The following ANO4 variants were observed in gnomAD, a reference collection of about 807,000 sequenced individuals.
ANO4 encodes anoctamin-4.
In ANO4, 69 loss-of-function variants were observed where a neutral mutation model predicts 141.9. The observed-to-expected ratio is 0.49, with a 90% CI of 0.40 to 0.59. The LOEUF (loss-of-function observed/expected upper bound fraction) is 0.59. ANO4 is among the 20% of genes least tolerant of loss of function. ANO4 has a pLI of 0.00. For missense variants in ANO4, 894 were observed against 1,162.2 expected (o/e 0.77, Z 3.36); for synonymous variants, 350 against 394.3 (o/e 0.89, Z 1.33).
rs183098405 is a variant in ANO4, at chr12:100,855,444, A to G, written c.-140-46202A>G. Among the ~76,000 whole-genome samples, 179 of 152,248 alleles carry G rather than the reference A, an allele frequency of 1.2e-3. 2 individuals carry two copies. Among genetic ancestry groups the G allele is most frequent in the African/African-American group, 4.3e-3 (177 of 41,554 alleles). On this transcript the variant is annotated intron_variant, in intron 1 of 27. Coordinates refer to ENST00000392977, the MANE Select transcript of ANO4 (RefSeq NM_001286615.2). ...TTATTCATAGGGTGCTGTTGTTACA[A>G]TCATGCCATATATTTAATTTTGTGT...
rs1383658204 is a variant in ANO4, at chr12:101,122,127, C to CTAAT, written c.2676+1504_2676+1507dup. Among the ~76,000 whole-genome samples the CTAAT allele has an allele frequency of 3.9e-5, 6 of 152,258 alleles. No homozygotes were observed. The East Asian group carries it at 7.7e-4, about 20-fold the overall frequency. On this transcript the variant is annotated intron_variant, in intron 26 of 27. Transcript: ENST00000392977. ...CATTGTGGTTTTGATTTGCATTTCT[C>CTAAT]TAATTTCCTTAGAGATTCTGAGCAT...
intron 1 of ANO4, among the ~76,000 whole-genome samples, chr12:100,822,193 A>G (rs2036091662): frequency 6.6e-6 from 1 of 152,026 alleles, no homozygotes; most frequent in East Asian, 1.9e-4. Flanking sequence ...AGGCAAATAA[A>G]GTGACCCTTT....
chr12:100,817,733 T>G lies in ANO4; in HGVS notation c.-141+22706T>G, dbSNP rs78412136. Among the ~76,000 whole-genome samples the G allele has an allele frequency of 2.2e-3, 340 of 152,050 alleles. 2 individuals carry two copies. The East Asian group carries it at 0.028, about 12-fold the overall frequency. ...CTTATCCTAAATGCTTAGGACTAAT[T>G]TCGTTGGTCAGTGGAAAAAGATGGT... On this transcript the variant is annotated intron_variant, in intron 1 of 27. Coordinates refer to ENST00000392977, the MANE Select transcript of ANO4 (RefSeq NM_001286615.2).
intron 8 of ANO4, among the ~76,000 whole-genome samples, chr12:100,999,071 T>C (rs763177317): frequency 6.6e-6 from 1 of 152,234 alleles, no homozygotes; most frequent in Non-Finnish European, 1.5e-5. Flanking sequence ...GCCCCAGTCT[T>C]ATCTTTTTAA....
At chr12:100,763,908 C>CT (rs201938425) in intron 3 of ANO4, among the ~76,000 whole-genome samples, 8,515 of 147,730 alleles carry the variant, frequency 0.058, 707 homozygotes, top group African/African-American at 0.19. Flanking sequence ...CTAGGAACCA[C>CT]TTTTTTTTTT....
chr12:100,766,808 G>A (rs1298994339), intron 3 of ANO4, among the ~76,000 whole-genome samples: 1 of 152,060 alleles, frequency 6.6e-6, no homozygotes, highest in Non-Finnish European at 1.5e-5. Flanking sequence ...TAAAAATGGG[G>A]TGTTGAAGTC....
At chr12:100,843,900 G>A (rs1409541358) in intron 1 of ANO4, among the ~76,000 whole-genome samples, 2 of 152,156 alleles carry the variant, frequency 1.3e-5, no homozygotes, top group African/African-American at 2.4e-5. Context: ...ATTCTCTTCC[G>A]ATAGAAGCTG....
At chr12:101,111,510 A>T in intron 23 of ANO4, 53 bp from the exon 24 acceptor site, 1 of 1,415,928 alleles carries the variant, frequency 7.1e-7, no homozygotes, top group Admixed American at 2.7e-5. Context: ...TTTTTTCATA[A>T]TTATCACCTC....
intron 22 of ANO4, among the ~76,000 whole-genome samples, chr12:101,101,289 AC>A (rs1426555365): frequency 2.0e-5 from 3 of 152,170 alleles, no homozygotes; most frequent in African/African-American, 7.2e-5. Flanking sequence ...TAGAGTACAT[AC>A]CCTTTGTAGT....
At chr12:100,772,129 T>C (rs985095589) in intron 3 of ANO4, among the ~76,000 whole-genome samples, 6 of 152,218 alleles carry the variant, frequency 3.9e-5, no homozygotes, top group African/African-American at 1.4e-4. Flanking sequence ...GTCATAGATA[T>C]AGTAGGTGGT....
At chr12:100,826,325 A>G (rs1301229295) in intron 1 of ANO4, among the ~76,000 whole-genome samples, 1 of 152,068 alleles carries the variant, frequency 6.6e-6, no homozygotes, top group Non-Finnish European at 1.5e-5. Flanking sequence ...TTGCTCACAG[A>G]AAAAGATTCA....
At chr12:101,037,011 A>G in intron 9 of ANO4, 84 bp from the exon 10 acceptor site, 3 of 1,397,352 alleles carry the variant, frequency 2.1e-6, no homozygotes, top group Admixed American at 3.5e-5. Flanking sequence ...GTTTCCTCCA[A>G]AAAGCACCAC....
intron 14 of ANO4, among the ~76,000 whole-genome samples, chr12:101,063,743 A>ATCTTT (rs1593167246): frequency 8.3e-5 from 1 of 12,092 alleles, no homozygotes; most frequent in Non-Finnish European, 1.6e-4. Flanking sequence ...TGTCCAGGTT[A>ATCTTT]TCTTTTTTTT....
chr12:100,969,315 C>G (rs1412240062), intron 5 of ANO4, among the ~76,000 whole-genome samples: 1 of 152,130 alleles, frequency 6.6e-6, no homozygotes, highest in Admixed American at 6.5e-5. Context: ...TTGTCCCAAG[C>G]CAGAAGATAA....
At chr12:101,094,984 T>G (rs1482681162) in intron 18 of ANO4, among the ~76,000 whole-genome samples, 1 of 152,158 alleles carries the variant, frequency 6.6e-6, no homozygotes, top group Non-Finnish European at 1.5e-5. Context: ...AGTAATAACT[T>G]GTACATTTAT....
At chr12:100,968,344 T>A (rs2043769067) in intron 5 of ANO4, among the ~76,000 whole-genome samples, 1 of 152,200 alleles carries the variant, frequency 6.6e-6, no homozygotes, top group African/African-American at 2.4e-5. Context: ...CTTCAAATGA[T>A]TATTTTCCCA....
At chr12:100,768,536 C>T (rs143952563) in intron 3 of ANO4, among the ~76,000 whole-genome samples, 34 of 152,244 alleles carry the variant, frequency 2.2e-4, no homozygotes, top group African/African-American at 7.9e-4. Flanking sequence ...ATTTATATGC[C>T]AACATATTTG....
intron 14 of ANO4, chr12:101,067,179 C>T: frequency 3.8e-6 from 1 of 260,632 alleles, no homozygotes; most frequent in South Asian, 5.2e-5. Flanking sequence ...TATTTGCTAA[C>T]TATTGGGTAA....
chr12:100,745,566 A>G (rs1309428340), intron 3 of ANO4, among the ~76,000 whole-genome samples: 3 of 152,194 alleles, frequency 2.0e-5, no homozygotes, highest in African/African-American at 4.8e-5. Context: ...TGAAGAGAGA[A>G]CTAGGCCTGG....
Sources: allele counts gnomAD v4.1 joint callset (sites outside exome capture counted in the v4.1 genomes callset), GRCh38; gene constraint gnomAD v4.1.1; transcripts MANE v1.5; gene names NCBI Gene and HGNC (gene_info 2026-07-23, HGNC 2026-07-21).